TBC1D30: variants seen among roughly 807,000 people sequenced by gnomAD.
TBC1D30 encodes TBC1 domain family member 30.
Under a neutral mutation model 63.2 loss-of-function variants are expected in TBC1D30, and 31 were observed. That is an observed-to-expected ratio of 0.49 (90% CI 0.37 to 0.66). The LOEUF (loss-of-function observed/expected upper bound fraction) is 0.66, where lower values mean the gene tolerates loss of function less well. Among genes scored for constraint, TBC1D30 ranks in the 30% least tolerant of loss-of-function variants. The pLI, the probability that TBC1D30 is intolerant of heterozygous loss-of-function variation, is 0.00. For missense variants in TBC1D30, 810 were observed against 953.6 expected (o/e 0.85, Z 1.98); for synonymous variants, 307 against 361.5 (o/e 0.85, Z 1.71).
At chr12:64,810,789 C>T (rs528037053) in intron 2 of TBC1D30, among the ~76,000 whole-genome samples, 1 of 152,308 alleles carries the variant, frequency 6.6e-6, no homozygotes, top group Admixed American at 6.5e-5. Flanking sequence ...ACTTTCTTCT[C>T]CTGGGAATTC....
At chr12:64,792,362 A>G (rs1871974945) in intron 2 of TBC1D30, among the ~76,000 whole-genome samples, 1 of 152,154 alleles carries the variant, frequency 6.6e-6, no homozygotes, top group South Asian at 2.1e-4. Flanking sequence ...CCTAAGCAAT[A>G]TATGGTTCTG....
At chr12:64,820,309 G>A (rs765433464), upstream of TBC1D30, among the ~76,000 whole-genome samples, 1 of 152,034 alleles carries the variant, frequency 6.6e-6, no homozygotes, top group Non-Finnish European at 1.5e-5. Context: ...GGAAAAGTTC[G>A]CTCTCAAGGA....
At chr12:64,836,821 A>G (rs1158011965) in intron 6 of TBC1D30, among the ~76,000 whole-genome samples, 163 bp downstream of exon 6, 3 of 152,224 alleles carry the variant, frequency 2.0e-5, no homozygotes, top group Non-Finnish European at 2.9e-5. Flanking sequence ...ACTGACAACA[A>G]CAAAAGGCCA....
chr12:64,765,504 A>AAAG, intron 1 of TBC1D30, among the ~76,000 whole-genome samples: 1 of 149,144 alleles, frequency 6.7e-6, no homozygotes, highest in Non-Finnish European at 1.5e-5. Flanking sequence ...AAAAAAAAAA[A>AAAG]AAAAAAAAAA....
chr12:64,842,215 AG>A (rs1239254445), intron 7 of TBC1D30, among the ~76,000 whole-genome samples: 1 of 152,036 alleles, frequency 6.6e-6, no homozygotes. Flanking sequence ...AAAAACCAGC[AG>A]GGTGTGGTGG....
chr12:64,873,901 A>G (rs1878846585), intron 11 of TBC1D30, among the ~76,000 whole-genome samples: 1 of 152,146 alleles, frequency 6.6e-6, no homozygotes, highest in African/African-American at 2.4e-5. Flanking sequence ...GTTCAGCCAG[A>G]TGACATGGAC....
intron 1 of TBC1D30, among the ~76,000 whole-genome samples, chr12:64,760,456 G>C (rs1419811618): frequency 6.6e-6 from 1 of 152,048 alleles, no homozygotes; most frequent in Non-Finnish European, 1.5e-5. Flanking sequence ...CCAGCTACTC[G>C]GGAGGCTGAG....
chr12:64,791,906 C>T (rs1029720494), intron 2 of TBC1D30, among the ~76,000 whole-genome samples: 2 of 152,076 alleles, frequency 1.3e-5, no homozygotes, highest in East Asian at 1.9e-4. Flanking sequence ...TTTAAATTAT[C>T]GATCCAGCTT....
At chr12:64,808,423 C>T (rs188023306) in intron 2 of TBC1D30, among the ~76,000 whole-genome samples, 112 of 152,276 alleles carry the variant, frequency 7.4e-4, no homozygotes, top group African/African-American at 2.5e-3. Context: ...TCTCAATGCT[C>T]TGTGTCTAGC....
chr12:64,828,416 C>T (rs1874552583), intron 2 of TBC1D30, 28 bp from the exon 3 acceptor site: 3 of 1,516,104 alleles, frequency 2.0e-6, no homozygotes, highest in Non-Finnish European at 2.7e-6. Context: ...ACTGTGATCA[C>T]CTCCTGGGAT....
At chr12:64,867,129 T>A (rs563800928) in intron 10 of TBC1D30, among the ~76,000 whole-genome samples, 1 of 152,078 alleles carries the variant, frequency 6.6e-6, no homozygotes, top group East Asian at 1.9e-4. Flanking sequence ...CTGAGCAACA[T>A]AGGGAGACCC....
chr12:64,829,328 A>G (rs114218335), intron 3 of TBC1D30, among the ~76,000 whole-genome samples: 37 of 152,314 alleles, frequency 2.4e-4, no homozygotes, highest in African/African-American at 8.4e-4. Flanking sequence ...GGGTTGTGGT[A>G]GTGGAGATGG....
exon 1 of TBC1D30, chr12:64,759,566 G>C: frequency 2.2e-6 from 1 of 450,252 alleles, no homozygotes; most frequent in Non-Finnish European, 3.9e-6. Context: ...GAAAAGGGCG[G>C]AGAACCGGAG....
rs554476148 is a variant in TBC1D30 at position 64,793,587 on chromosome 12, G to A, written c.643+7542G>A. On this transcript the variant is annotated intron_variant, in intron 2 of 12. Coordinates refer to the TBC1D30 transcript ENST00000542120. ...AGGCAGGAGAATTGCTTAAAACCTG[G>A]GAGGCGGAGGTTGCAATGAGCCAAG... 5.3e-5 allele frequency among the ~76,000 whole-genome samples: 8 copies of A among 152,278 alleles called. No individual in the cohort carries two copies. The East Asian group carries it at 1.5e-3, about 29-fold the overall frequency.
intron 2 of TBC1D30, among the ~76,000 whole-genome samples, chr12:64,814,908 T>C (rs1873433088): frequency 6.6e-6 from 1 of 152,236 alleles, no homozygotes; most frequent in African/African-American, 2.4e-5. Context: ...ATATTTATGA[T>C]GGTAAAGATA....
chr12:64,874,634 T>A (rs998615998), intron 11 of TBC1D30, among the ~76,000 whole-genome samples: 3 of 152,182 alleles, frequency 2.0e-5, no homozygotes, highest in African/African-American at 7.2e-5. Context: ...TTGTATTATT[T>A]TTTTTAAATC....
At chr12:64,809,087 A>C (rs1179018977) in intron 2 of TBC1D30, among the ~76,000 whole-genome samples, 4 of 152,180 alleles carry the variant, frequency 2.6e-5, no homozygotes, top group Non-Finnish European at 5.9e-5. Context: ...TACTTCTAAT[A>C]ACTGGAATTC....
exon 1 of TBC1D30, chr12:64,780,929 C>A: frequency 9.6e-7 from 1 of 1,044,728 alleles, no homozygotes; most frequent in South Asian, 2.6e-5. Flanking sequence ...TGCAGCTCCC[C>A]CAGCCCCGCG....
intron 2 of TBC1D30, among the ~76,000 whole-genome samples, chr12:64,802,113 A>T (rs932054243): frequency 5.9e-5 from 9 of 152,184 alleles, no homozygotes; most frequent in Non-Finnish European, 1.2e-4. Context: ...TTGCTAATGA[A>T]TGCATGTCCT....
Sources: gnomAD v4.1 joint callset for allele counts (sites outside exome capture counted in the v4.1 genomes callset) on GRCh38, gnomAD v4.1.1 for gene constraint, MANE v1.5 for transcripts, NCBI Gene and HGNC (gene_info 2026-07-23, HGNC 2026-07-21) for gene names.